The following TINAG variants were observed in gnomAD, a reference collection of about 807,000 sequenced individuals.
TINAG encodes tubulointerstitial nephritis antigen.
In TINAG, 83 loss-of-function variants were observed where a neutral mutation model predicts 72.7. That is an observed-to-expected ratio of 1.14 (90% CI 0.96 to 1.37). The LOEUF (loss-of-function observed/expected upper bound fraction) is 1.37, where lower values mean the gene tolerates loss of function less well. TINAG is among the 40% of genes most tolerant of loss of function. The pLI is 0.00. For missense variants in TINAG, 685 were observed against 576.6 expected, an observed-to-expected ratio of 1.19 and a Z score of -1.93; for synonymous variants, 234 against 189.9, an observed-to-expected ratio of 1.23 and a Z score of -1.91.
chr6:54,327,156 C>CT (rs1486885944), intron 4 of TINAG: 1 of 1,547,732 alleles, frequency 6.5e-7, no homozygotes, highest in Non-Finnish European at 8.7e-7. Context: ...ATTGAATGGG[C>CT]TGGCAAGATG....
At chr6:54,361,503 A>G (rs1163247513) in intron 9 of TINAG, among the ~76,000 whole-genome samples, 1 of 151,628 alleles carries the variant, frequency 6.6e-6, no homozygotes, top group Non-Finnish European at 1.5e-5. Flanking sequence ...TCTCATGAGA[A>G]CTCACTATTA....
chr6:54,326,076 T>C (rs1208420731), intron 3 of TINAG, among the ~76,000 whole-genome samples: 1 of 152,074 alleles, frequency 6.6e-6, no homozygotes, highest in African/African-American at 2.4e-5. Context: ...ATCTTTCTAA[T>C]TTTTTATCCA....
At chr6:54,382,675 C>T (rs751559828) in intron 10 of TINAG, among the ~76,000 whole-genome samples, 18 of 151,960 alleles carry the variant, frequency 1.2e-4, no homozygotes, top group African/African-American at 3.6e-4. Flanking sequence ...ATAAATAGAT[C>T]GACAACCAGA....
At chr6:54,361,110 A>T (rs191288308) in intron 9 of TINAG, among the ~76,000 whole-genome samples, 1 of 150,982 alleles carries the variant, frequency 6.6e-6, no homozygotes, top group East Asian at 2.0e-4. Flanking sequence ...TTGATTGTTA[A>T]ATATTGTGTA....
rs577563164 is a variant in TINAG, at chr6:54,327,631, T to G, written c.624+715T>G. Among the ~76,000 whole-genome samples the G allele has an allele frequency of 2.1e-4, 32 of 152,164 alleles. 1 individual carries two copies. The highest frequency in any genetic ancestry group is 2.0e-3 in the Admixed American group (30 of 15,296). ...CCATTCACTTTCCTGGAAAGTGGGC[T>G]GATGCCAGGGAGCCAAGTGGTCTGG... On this transcript the variant is annotated intron_variant, in intron 4 of 10. Coordinates refer to ENST00000259782, the MANE Select transcript of TINAG (RefSeq NM_014464.4).
rs146077345 is a variant in TINAG, at chr6:54,385,056, A to G, written c.1296+4485A>G. Among the ~76,000 whole-genome samples, 319 of 152,308 alleles carry G rather than the reference A, an allele frequency of 2.1e-3. 2 individuals are homozygous for G. Among genetic ancestry groups the G allele is most frequent in the African/African-American group, 7.4e-3 (306 of 41,590 alleles). On this transcript the variant is annotated intron_variant, in intron 10 of 10. Coordinates refer to ENST00000259782, the MANE Select transcript of TINAG (RefSeq NM_014464.4). The stretch of plus-strand genomic sequence containing the variant: ...ATAGAAAATGCATGCATTGGAAAAG[A>G]AGAAAGGTTAAAATTGATTCATGTA...
rs866147141 is a variant in TINAG at position 54,349,850 on chromosome 6, C to A, written c.1034C>A (p.Ser345Tyr). 1.2e-6 allele frequency: 2 copies of A among 1,609,584 alleles called. No individual in the cohort carries two copies. Among genetic ancestry groups the A allele is most frequent in the Non-Finnish European group, 1.7e-6 (2 of 1,177,216 alleles). Residue 345 changes from serine to tyrosine, a missense_variant, in exon 7 of 11, where the codon TCT (serine) becomes TAT (tyrosine). Ser to Tyr is a moderately radical substitution (Grantham distance 144, BLOSUM62 -2). Coordinates refer to ENST00000259782, the MANE Select transcript of TINAG (RefSeq NM_014464.4). ...CCATGTCCCAACAACGTAGAAAAAT[C>A]TAACAGGATCTATCAATGTTCTCCT... ...TKPCPNNVEK[S>Y]NRIYQCSPPY...
At chr6:54,315,847 T>C (rs1784361250) in intron 1 of TINAG, among the ~76,000 whole-genome samples, 1 of 152,180 alleles carries the variant, frequency 6.6e-6, no homozygotes, top group African/African-American at 2.4e-5. Flanking sequence ...GATTTGATTA[T>C]GCACAATATG....
At chr6:54,322,087 C>T (rs1228870559) in intron 3 of TINAG, among the ~76,000 whole-genome samples, 1 of 152,090 alleles carries the variant, frequency 6.6e-6, no homozygotes, top group Admixed American at 6.6e-5. Context: ...GGGTGGATCA[C>T]TTGAGGCCAG....
chr6:54,372,179 A>G (rs930507423), intron 9 of TINAG, among the ~76,000 whole-genome samples: 1 of 151,508 alleles, frequency 6.6e-6, no homozygotes, highest in African/African-American at 2.4e-5. Context: ...TTTAATAGAG[A>G]CGGGGTTTCA....
intron 1 of TINAG, among the ~76,000 whole-genome samples, chr6:54,319,456 C>T (rs1784441295): frequency 6.6e-6 from 1 of 152,042 alleles, no homozygotes; most frequent in Admixed American, 6.6e-5. Flanking sequence ...GTTTCCTTTT[C>T]TTATCCCATG....
At chr6:54,371,135 TG>T (rs1763591770) in intron 9 of TINAG, among the ~76,000 whole-genome samples, 1 of 150,170 alleles carries the variant, frequency 6.7e-6, no homozygotes, top group Non-Finnish European at 1.5e-5. Context: ...TGTGTGTGTG[TG>T]TGTCAGAGAG....
chr6:54,337,474 G>A (rs1382063518), intron 4 of TINAG, among the ~76,000 whole-genome samples: 1 of 151,884 alleles, frequency 6.6e-6, no homozygotes, highest in Non-Finnish European at 1.5e-5. Context: ...GGCTGGTCTC[G>A]AACTCCTGCC....
intron 6 of TINAG, 43 bp downstream of exon 6, chr6:54,347,560 G>C: frequency 6.2e-7 from 1 of 1,601,018 alleles, no homozygotes; most frequent in Non-Finnish European, 8.5e-7. Flanking sequence ...TTTTATGAAT[G>C]ATGCATTGTG....
intron 10 of TINAG, among the ~76,000 whole-genome samples, chr6:54,381,139 C>CATATGTAT (rs1250417562): frequency 4.4e-4 from 65 of 149,216 alleles, no homozygotes; most frequent in African/African-American, 1.6e-3. Flanking sequence ...TATATACACA[C>CATATGTAT]ATATGTGTAT....
chr6:54,336,845 C>T (rs565375891), intron 4 of TINAG, among the ~76,000 whole-genome samples: 12 of 151,768 alleles, frequency 7.9e-5, no homozygotes, highest in South Asian at 2.1e-4. Flanking sequence ...TATCAGATTG[C>T]GGTAAGTAAA....
chr6:54,376,321 G>A (rs1382305470), intron 9 of TINAG, among the ~76,000 whole-genome samples: 1 of 151,912 alleles, frequency 6.6e-6, no homozygotes, highest in African/African-American at 2.4e-5. Context: ...CAAAATATAT[G>A]TCTTCTTTGG....
chr6:54,318,286 G>A (rs1784417261), intron 1 of TINAG, among the ~76,000 whole-genome samples: 1 of 152,048 alleles, frequency 6.6e-6, no homozygotes, highest in African/African-American at 2.4e-5. Context: ...GTCTAGCCTA[G>A]GTTTTATCTA....
chr6:54,318,444 A>G (rs1784420256), intron 1 of TINAG, among the ~76,000 whole-genome samples: 1 of 152,038 alleles, frequency 6.6e-6, no homozygotes, highest in Admixed American at 6.6e-5. Flanking sequence ...ACCAGATTCA[A>G]TCCATGAGTG....
Sources: gnomAD v4.1 joint callset for allele counts (sites outside exome capture counted in the v4.1 genomes callset) on GRCh38, gnomAD v4.1.1 for gene constraint, MANE v1.5 for transcripts, NCBI Gene and HGNC (gene_info 2026-07-23, HGNC 2026-07-21) for gene names.